Variants in RMND5A observed in about 807,000 individuals in gnomAD.
The protein encoded by RMND5A is E3 ubiquitin-protein transferase RMND5A.
RMND5A carries 17 observed loss-of-function variants against 49.7 expected under a neutral mutation model. That is an observed-to-expected ratio of 0.34 (90% CI 0.23 to 0.51). The LOEUF is 0.51. RMND5A is among the 20% of genes least tolerant of loss of function. The probability of loss-of-function intolerance (pLI) is 0.96; values close to 1 mark genes in which losing one functional copy is unlikely to be tolerated. For missense variants in RMND5A, 255 were observed against 471.3 expected (o/e 0.54, Z 4.25); for synonymous variants, 156 against 167.7 (o/e 0.93, Z 0.54).
intron 4 of RMND5A, among the ~76,000 whole-genome samples, chr2:86,764,778 A>G (rs1252126316): frequency 1.3e-5 from 2 of 152,136 alleles, no homozygotes; most frequent in African/African-American, 4.8e-5. Context: ...GCATCATGTG[A>G]CACATGAGAG....
At chr2:86,753,601 T>G in intron 4 of RMND5A, 43 bp downstream of exon 4, 1 of 1,022,658 alleles carries the variant, frequency 9.8e-7, no homozygotes, top group Non-Finnish European at 1.5e-6. Context: ...TTGAGAACTC[T>G]CTGTAAGAAA....
Position 86,777,254 on chromosome 2 carries a change from T to G in RMND5A, c.*3843T>G, listed in dbSNP as rs1008196848. ...CACATGCTTTGTTTCATGTTATGGG[T>G]GAGGACCTACATACACTCTTACTTT... On this transcript the variant is annotated 3_prime_UTR_variant, in exon 9 of 9. Coordinates refer to ENST00000283632, the MANE Select transcript of RMND5A (RefSeq NM_022780.4). The G allele has an allele frequency of 3.3e-5, 5 of 152,220 alleles. No homozygotes were observed. Among genetic ancestry groups the G allele is most frequent in the African/African-American group, 1.2e-4 (5 of 41,448 alleles). 9.4% of individuals were successfully genotyped at this position (152,220 alleles called of 1,614,324 possible). A position where few individuals can be genotyped will look rare whatever the true frequency, so the allele number is the denominator to read the frequency against.
chr2:86,772,830 A>G (rs540602347), intron 8 of RMND5A, among the ~76,000 whole-genome samples: 2 of 152,226 alleles, frequency 1.3e-5, no homozygotes, highest in African/African-American at 4.8e-5. Flanking sequence ...CCTGAGCTCA[A>G]GCATCCACCC....
rs763556882 is a variant in RMND5A, at chr2:86,720,657, C to T, written c.-11C>T. The T allele has an allele frequency of 8.5e-6, 13 of 1,537,286 alleles. No homozygotes were observed. Among genetic ancestry groups the T allele is most frequent in the Non-Finnish European group, 1.0e-5 (12 of 1,145,572 alleles). On this transcript the variant is annotated 5_prime_UTR_variant, in exon 1 of 9. Transcript: ENST00000283632. Reference sequence around the variant, plus strand: ...CTGGGCGCCGAGGAGCCGAGCGCCGCCGCCTCCGGCATGGATCAGTGCGTG... The same window carrying T: ...CTGGGCGCCGAGGAGCCGAGCGCCGTCGCCTCCGGCATGGATCAGTGCGTG...
chr2:86,770,213 G>C, intron 7 of RMND5A, 88 bp downstream of exon 7: 1 of 959,228 alleles, frequency 1.0e-6, no homozygotes, highest in South Asian at 1.3e-5. Context: ...TTTTAACCAG[G>C]AAACATTGTA....
chr2:86,760,481 T>C (rs1265044138), intron 4 of RMND5A, among the ~76,000 whole-genome samples: 1 of 152,246 alleles, frequency 6.6e-6, no homozygotes, highest in South Asian at 2.1e-4. Flanking sequence ...ATGTATTAAC[T>C]GTGAGCAATT....
chr2:86,758,219 A>G lies in RMND5A; in HGVS notation c.521+4661A>G, dbSNP rs972332206. ...CTCCCCACCTTTGCCTTCTAATCACAGTTACTCTCCAAACAGGCAGCCACC... is the reference window on the plus strand; with the variant it reads ...CTCCCCACCTTTGCCTTCTAATCACGGTTACTCTCCAAACAGGCAGCCACC... On this transcript the variant is annotated intron_variant, in intron 4 of 8. Transcript: ENST00000283632. Among the ~76,000 whole-genome samples the G allele has an allele frequency of 2.0e-5, 3 of 152,354 alleles. No individual in the cohort carries two copies. In the South Asian group the frequency reaches 6.2e-4, roughly 32 times the overall value.
At chr2:86,759,537 C>T (rs992401981) in intron 4 of RMND5A, among the ~76,000 whole-genome samples, 5 of 151,850 alleles carry the variant, frequency 3.3e-5, no homozygotes, top group Non-Finnish European at 5.9e-5. Context: ...TCGTGGTCCA[C>T]GCTGGAAATT....
intron 4 of RMND5A, among the ~76,000 whole-genome samples, chr2:86,757,742 C>T (rs991883201): frequency 1.3e-5 from 2 of 152,208 alleles, no homozygotes; most frequent in African/African-American, 4.8e-5. Flanking sequence ...TAGTATCTGA[C>T]TTTCAGCTTT....
intron 2 of RMND5A, among the ~76,000 whole-genome samples, chr2:86,744,527 C>G (rs1469933123): frequency 6.6e-6 from 1 of 152,170 alleles, no homozygotes; most frequent in East Asian, 1.9e-4. Flanking sequence ...TATGAGCAGG[C>G]TGGTTTTGAG....
intron 2 of RMND5A, among the ~76,000 whole-genome samples, chr2:86,746,375 T>G (rs1295846572): frequency 1.3e-5 from 2 of 152,220 alleles, no homozygotes; most frequent in African/African-American, 2.4e-5. Flanking sequence ...CAGATTCAGC[T>G]TTGGTTAGGT....
At chr2:86,766,661 CAA>C (rs59511898) in intron 6 of RMND5A, among the ~76,000 whole-genome samples, 9 of 77,014 alleles carry the variant, frequency 1.2e-4, no homozygotes, top group African/African-American at 3.2e-4. Context: ...GAGACTGTCT[CAA>C]AAAAAAAAAA....
intron 4 of RMND5A, among the ~76,000 whole-genome samples, chr2:86,763,591 G>A (rs1414564057): frequency 3.9e-5 from 6 of 152,124 alleles, no homozygotes; most frequent in African/African-American, 1.4e-4. Context: ...ATCAGCTTGG[G>A]CAACATAGTG....
chr2:86,724,939 G>A (rs1245803931), intron 1 of RMND5A, among the ~76,000 whole-genome samples: 1 of 5,022 alleles, frequency 2.0e-4, no homozygotes, highest in Admixed American at 1.6e-3. Flanking sequence ...CACCTCTGTG[G>A]TGGAAGGGAA....
chr2:86,721,937 T>C (rs1010993744), intron 1 of RMND5A, among the ~76,000 whole-genome samples: 8 of 126,790 alleles, frequency 6.3e-5, no homozygotes, highest in Non-Finnish European at 9.5e-5. Flanking sequence ...TGCTGGTCCA[T>C]GGGAAAGGAG....
chr2:86,766,095 C>A, intron 6 of RMND5A, 71 bp downstream of exon 6: 1 of 1,354,662 alleles, frequency 7.4e-7, no homozygotes, highest in Non-Finnish European at 1.0e-6. Flanking sequence ...TTGTTTGGTT[C>A]TTGATGTTTA....
At chr2:86,732,270 T>G (rs1267163755) in intron 1 of RMND5A, among the ~76,000 whole-genome samples, 1 of 149,604 alleles carries the variant, frequency 6.7e-6, no homozygotes, top group Non-Finnish European at 1.5e-5. Context: ...CTGTTTAGTT[T>G]TAGCAATGCT....
chr2:86,743,706 C>T (rs1055934536), intron 2 of RMND5A, among the ~76,000 whole-genome samples: 3 of 152,108 alleles, frequency 2.0e-5, no homozygotes, highest in African/African-American at 7.2e-5. Flanking sequence ...ATTTAGTCGG[C>T]TGGGCGTGGT....
Position 86,774,564 on chromosome 2 carries a change from T to C in RMND5A, c.*1153T>C, listed in dbSNP as rs902060833. 1.3e-5 allele frequency: 2 copies of C among 152,672 alleles called. No homozygotes were observed. The highest frequency in any genetic ancestry group is 4.8e-5 in the African/African-American group (2 of 41,470). The allele number at this position is 152,672 out of a possible 1,614,324, so 9.5% of individuals were successfully genotyped here. A position where few individuals can be genotyped will look rare whatever the true frequency, so the allele number is the denominator to read the frequency against. On this transcript the variant is annotated 3_prime_UTR_variant, in exon 9 of 9. Transcript: ENST00000283632. ...CTTTTCTCTTGTGAGGTATCTTCAT[T>C]TATGCACTGTCCAAAAATAGCCATG...
Sources: gnomAD v4.1 joint callset for allele counts (sites outside exome capture counted in the v4.1 genomes callset) on GRCh38, gnomAD v4.1.1 for gene constraint, MANE v1.5 for transcripts, NCBI Gene and HGNC (gene_info 2026-07-23, HGNC 2026-07-21) for gene names.